TMEM132D: variants seen among roughly 807,000 people sequenced by gnomAD.
TMEM132D encodes the protein mature OL transmembrane protein.
A neutral mutation model predicts 62.3 loss-of-function variants in TMEM132D; 21 were observed. That is an observed-to-expected ratio of 0.34 (90% CI 0.24 to 0.49). TMEM132D has a LOEUF of 0.49. TMEM132D is among the 20% of genes least tolerant of loss of function. The pLI is 0.99. For missense variants in TMEM132D, 1,346 were observed against 1,402.8 expected, an observed-to-expected ratio of 0.96 and a Z score of 0.65; for synonymous variants, 621 against 575.6, an observed-to-expected ratio of 1.08 and a Z score of -1.13.
At chr12:129,829,824 G>A (rs1312901048) in intron 1 of TMEM132D, among the ~76,000 whole-genome samples, 2 of 152,130 alleles carry the variant, frequency 1.3e-5, no homozygotes, top group Non-Finnish European at 1.5e-5. Flanking sequence ...AAATAAGGGT[G>A]TCTTTTCTGA....
intron 3 of TMEM132D, 115 bp from the exon 4 acceptor site, chr12:129,337,932 C>T: frequency 9.4e-7 from 1 of 1,061,980 alleles, no homozygotes; most frequent in Non-Finnish European, 1.3e-6. Context: ...TGGAACCAAG[C>T]GCACACATCT....
intron 1 of TMEM132D, among the ~76,000 whole-genome samples, chr12:129,753,886 G>C (rs368529700): frequency 2.6e-5 from 4 of 151,922 alleles, no homozygotes; most frequent in Non-Finnish European, 5.9e-5. Flanking sequence ...ATAACCTTTC[G>C]CTTCATTCCT....
At chr12:129,266,213 G>A (rs1245835353) in intron 4 of TMEM132D, among the ~76,000 whole-genome samples, 1 of 152,128 alleles carries the variant, frequency 6.6e-6, no homozygotes. Flanking sequence ...CTTGAAATAT[G>A]TTCTTGGCTT....
intron 1 of TMEM132D, among the ~76,000 whole-genome samples, chr12:129,767,004 G>C (rs1308594744): frequency 6.6e-6 from 1 of 152,156 alleles, no homozygotes; most frequent in Non-Finnish European, 1.5e-5. Context: ...CTGCACAGCC[G>C]CCCCTGGGCT....
chr12:129,689,821 G>A (rs981981839), intron 2 of TMEM132D, among the ~76,000 whole-genome samples: 5 of 152,158 alleles, frequency 3.3e-5, no homozygotes, highest in African/African-American at 9.7e-5. Context: ...CAGCTCTGAT[G>A]TGTACATGGC....
At chr12:129,076,160 G>A (rs1484003916) in intron 8 of TMEM132D, among the ~76,000 whole-genome samples, 3 of 152,290 alleles carry the variant, frequency 2.0e-5, no homozygotes, top group African/African-American at 7.2e-5. Flanking sequence ...GATGTGTAGT[G>A]GGGGCACATA....
At chr12:129,633,038 G>A (rs1353481774) in intron 2 of TMEM132D, among the ~76,000 whole-genome samples, 1 of 152,090 alleles carries the variant, frequency 6.6e-6, no homozygotes, top group African/African-American at 2.4e-5. Context: ...TGGCTTAAAT[G>A]TTTTTTTCTG....
chr12:129,512,170 C>G (rs1395301637), intron 3 of TMEM132D, among the ~76,000 whole-genome samples: 1 of 152,198 alleles, frequency 6.6e-6, no homozygotes, highest in African/African-American at 2.4e-5. Flanking sequence ...TGGTAGAAAG[C>G]TGCCTCTTAC....
intron 3 of TMEM132D, among the ~76,000 whole-genome samples, chr12:129,530,551 C>T (rs886428565): frequency 6.6e-6 from 1 of 152,204 alleles, no homozygotes; most frequent in Admixed American, 6.5e-5. Context: ...GAGTGATCCA[C>T]AATTCCCTGC....
At chr12:129,574,813 T>C (rs1450358257) in intron 2 of TMEM132D, among the ~76,000 whole-genome samples, 1 of 151,702 alleles carries the variant, frequency 6.6e-6, no homozygotes, top group African/African-American at 2.4e-5. Flanking sequence ...AGATATCAAA[T>C]GACAGGTGAT....
At chr12:129,817,267 C>T (rs922763824) in intron 1 of TMEM132D, among the ~76,000 whole-genome samples, 3 of 152,130 alleles carry the variant, frequency 2.0e-5, no homozygotes, top group Admixed American at 6.5e-5. Context: ...TGGGCTTTTC[C>T]GTAGCTGTGC....
At chr12:129,516,890 C>G (rs140483746) in intron 3 of TMEM132D, among the ~76,000 whole-genome samples, 2 of 152,192 alleles carry the variant, frequency 1.3e-5, no homozygotes, top group Non-Finnish European at 2.9e-5. Context: ...TTGCTTTTTT[C>G]AGTTTTAGAG....
At chr12:129,268,817 A>G (rs1593317426) in intron 4 of TMEM132D, among the ~76,000 whole-genome samples, 1 of 152,038 alleles carries the variant, frequency 6.6e-6, no homozygotes, top group Admixed American at 6.5e-5. Flanking sequence ...GCACATATAC[A>G]CCATGGAATA....
chr12:129,757,549 G>A (rs956698846), intron 1 of TMEM132D, among the ~76,000 whole-genome samples: 11 of 151,950 alleles, frequency 7.2e-5, no homozygotes, highest in Non-Finnish European at 1.3e-4. Context: ...CAAACTTCAC[G>A]TGCCCAAAGC....
At chr12:129,343,419 A>C (rs1251432443) in intron 3 of TMEM132D, among the ~76,000 whole-genome samples, 2 of 146,236 alleles carry the variant, frequency 1.4e-5, no homozygotes, top group Non-Finnish European at 3.0e-5. Context: ...CACACTGGGG[A>C]CTGTTGTGGG....
At chr12:129,685,921 G>A (rs1041133584) in intron 2 of TMEM132D, among the ~76,000 whole-genome samples, 3 of 152,120 alleles carry the variant, frequency 2.0e-5, no homozygotes, top group African/African-American at 7.2e-5. Flanking sequence ...ACTTACATAG[G>A]GCCTGTAGCT....
intron 5 of TMEM132D, among the ~76,000 whole-genome samples, chr12:129,187,987 G>A (rs905392129): frequency 3.3e-5 from 5 of 152,278 alleles, no homozygotes; most frequent in African/African-American, 1.2e-4. Context: ...AATCATAGTT[G>A]GATGTACCAA....
chr12:129,567,170 C>T (rs1565906414), intron 2 of TMEM132D, among the ~76,000 whole-genome samples: 1 of 152,214 alleles, frequency 6.6e-6, no homozygotes, highest in Non-Finnish European at 1.5e-5. Context: ...GTCAACAATA[C>T]TTGCAAGCTT....
intron 3 of TMEM132D, among the ~76,000 whole-genome samples, chr12:129,341,007 T>G (rs1307547646): frequency 2.6e-5 from 4 of 152,226 alleles, no homozygotes; most frequent in East Asian, 3.8e-4. Context: ...CTTTATAAAT[T>G]CTGCACATGG....
Sources: gnomAD v4.1 joint callset for allele counts (sites outside exome capture counted in the v4.1 genomes callset) on GRCh38, gnomAD v4.1.1 for gene constraint, MANE v1.5 for transcripts, NCBI Gene and HGNC (gene_info 2026-07-23, HGNC 2026-07-21) for gene names.